Variants in NCKAP5 observed in about 807,000 individuals in gnomAD.
NCKAP5 encodes the protein nck-associated protein 5.
NCKAP5 carries 92 observed loss-of-function variants against 167.0 expected under a neutral mutation model. The ratio of observed to expected loss-of-function variants is 0.55; its 90% CI spans 0.47 to 0.66. The LOEUF (loss-of-function observed/expected upper bound fraction) is 0.66. Ranked by LOEUF, NCKAP5 falls within the 30% of genes least tolerant of loss-of-function variation. The pLI is 0.00. For missense variants in NCKAP5, 2,378 were observed against 2,315.0 expected (o/e 1.03, Z -0.56); for synonymous variants, 891 against 877.4 (o/e 1.02, Z -0.27).
At chr2:133,535,385 C>T (rs577678179) in intron 2 of NCKAP5, among the ~76,000 whole-genome samples, 4 of 151,952 alleles carry the variant, frequency 2.6e-5, no homozygotes, top group South Asian at 2.1e-4. Context: ...TGAGAACATA[C>T]GATATTTGAT....
the NCKAP5 span, among the ~76,000 whole-genome samples, chr2:133,646,417 A>G: frequency 2.0e-5 from 3 of 152,112 alleles, no homozygotes; most frequent in Admixed American, 1.3e-4. Flanking sequence ...TTTGCAAGTA[A>G]GAAGGAAATG....
Position 132,881,108 on chromosome 2 carries a change from C to T in NCKAP5, c.580-2192G>A, listed in dbSNP as rs139279437. Among the ~76,000 whole-genome samples the T allele has an allele frequency of 4.5e-3, 678 of 152,312 alleles. 3 individuals are homozygous for T. Among genetic ancestry groups the T allele is most frequent in the Non-Finnish European group, 6.9e-3 (468 of 68,034 alleles). On this transcript the variant is annotated intron_variant, in intron 8 of 19. Coordinates refer to ENST00000409261, the MANE Select transcript of NCKAP5 (RefSeq NM_207363.3). ...TCCAGTATACAATCCTACCTGTGAT[C>T]ATGTACTGCATTCGACTGTCATTGC...
At chr2:132,752,047 A>C (rs1192604298) in intron 16 of NCKAP5, among the ~76,000 whole-genome samples, 2 of 152,252 alleles carry the variant, frequency 1.3e-5, no homozygotes, top group Non-Finnish European at 2.9e-5. Flanking sequence ...CAGCACAATT[A>C]TCTACAAGAA....
intron 4 of NCKAP5, among the ~76,000 whole-genome samples, chr2:133,229,545 G>A (rs1477807590): frequency 1.3e-5 from 2 of 152,172 alleles, no homozygotes; most frequent in Non-Finnish European, 2.9e-5. Context: ...TACATTCCGA[G>A]TACTTTACGT....
upstream of NCKAP5, among the ~76,000 whole-genome samples, chr2:133,571,718 T>A (rs1457531596): frequency 6.6e-6 from 1 of 152,180 alleles, no homozygotes; most frequent in East Asian, 1.9e-4. Context: ...TTAGAGCTGC[T>A]TACTGGTGAT....
chr2:133,423,274 G>A (rs760328187), intron 3 of NCKAP5, among the ~76,000 whole-genome samples: 7 of 152,182 alleles, frequency 4.6e-5, no homozygotes, highest in Non-Finnish European at 1.0e-4. Context: ...CTTCTTGGTT[G>A]TGGCTCAAGA....
At chr2:133,008,056 T>A (rs929297881) in intron 6 of NCKAP5, among the ~76,000 whole-genome samples, 1 of 152,174 alleles carries the variant, frequency 6.6e-6, no homozygotes, top group African/African-American at 2.4e-5. Context: ...TGAAGATATA[T>A]ATGGGACTAC....
chr2:133,604,921 T>A, the NCKAP5 span, among the ~76,000 whole-genome samples: 2 of 152,182 alleles, frequency 1.3e-5, no homozygotes, highest in Non-Finnish European at 2.9e-5. Context: ...GCACTGATCA[T>A]GGCCCCGTCT....
At chr2:133,585,153 T>C in the NCKAP5 span, among the ~76,000 whole-genome samples, 2 of 151,988 alleles carry the variant, frequency 1.3e-5, no homozygotes, top group African/African-American at 4.8e-5. Flanking sequence ...TAAAGCAAAA[T>C]CAAGATAAAA....
rs79277721 is a variant in NCKAP5 at position 133,041,792 on chromosome 2, G to C, written c.342-47553C>G. Among the ~76,000 whole-genome samples, 306 of 152,224 alleles carry C rather than the reference G, an allele frequency of 2.0e-3. 2 individuals are homozygous for C. The highest frequency in any genetic ancestry group is 3.9e-3 in the Admixed American group (60 of 15,294). ...GTCCTTTGTTCTATATTGATTAAAA[G>C]TGCAAACATTGACTTTCTAACACCT... On this transcript the variant is annotated intron_variant, in intron 6 of 19. Coordinates refer to ENST00000409261, the MANE Select transcript of NCKAP5 (RefSeq NM_207363.3).
At chr2:133,474,149 T>TATCTATCC (rs1559511725) in intron 3 of NCKAP5, among the ~76,000 whole-genome samples, 4 of 143,442 alleles carry the variant, frequency 2.8e-5, no homozygotes, top group African/African-American at 8.8e-5. Flanking sequence ...TCTATCTATC[T>TATCTATCC]ATCTATACAC....
the NCKAP5 span, among the ~76,000 whole-genome samples, chr2:133,641,083 GA>G: frequency 6.6e-6 from 1 of 152,190 alleles, no homozygotes; most frequent in Non-Finnish European, 1.5e-5. Context: ...AAGTCAAATA[GA>G]AGCTCTTTGG....
At chr2:133,210,921 T>TAA (rs2086183807) in intron 5 of NCKAP5, among the ~76,000 whole-genome samples, 3 of 152,162 alleles carry the variant, frequency 2.0e-5, no homozygotes, top group African/African-American at 7.2e-5. Context: ...AGCCCTCCAA[T>TAA]GGTTCCCATC....
At chr2:133,275,769 T>C (rs192164344) in intron 4 of NCKAP5, among the ~76,000 whole-genome samples, 1 of 151,618 alleles carries the variant, frequency 6.6e-6, no homozygotes, top group East Asian at 1.9e-4. Flanking sequence ...AGGGTAACAG[T>C]AAAATGTAGT....
chr2:133,385,896 C>A, intron 3 of NCKAP5, among the ~76,000 whole-genome samples: 1 of 152,084 alleles, frequency 6.6e-6, no homozygotes, highest in East Asian at 1.9e-4. Context: ...TGGTGATATC[C>A]CCTTTATCAT....
chr2:133,635,981 A>G, the NCKAP5 span, among the ~76,000 whole-genome samples: 1 of 152,220 alleles, frequency 6.6e-6, no homozygotes, highest in Admixed American at 6.5e-5. Flanking sequence ...ATTAATAATT[A>G]GATAACTGAT....
chr2:133,396,949 A>G (rs1687768487), intron 3 of NCKAP5, among the ~76,000 whole-genome samples: 3 of 152,220 alleles, frequency 2.0e-5, no homozygotes, highest in African/African-American at 7.2e-5. Flanking sequence ...CGTGAGATAG[A>G]GATAAAATCC....
intron 2 of NCKAP5, among the ~76,000 whole-genome samples, chr2:133,540,104 C>A (rs1039456965): frequency 2.0e-5 from 3 of 152,082 alleles, no homozygotes; most frequent in Non-Finnish European, 1.5e-5. Flanking sequence ...TTGCTTGAAC[C>A]CGGGAGGCAG....
At position 133,307,335 on chromosome 2, in the gene NCKAP5, G is replaced by A. The variant is rs368325957; in HGVS notation, c.70-4225C>T. ...TTTGTCAAACAATGATAGAATTTGAGTACTTGATAAGATTTGAAATGCAAA... is the reference window on the plus strand; with the variant it reads ...TTTGTCAAACAATGATAGAATTTGAATACTTGATAAGATTTGAAATGCAAA... On this transcript the variant is annotated intron_variant, in intron 3 of 19. Coordinates refer to ENST00000409261, the MANE Select transcript of NCKAP5 (RefSeq NM_207363.3). 2.6e-5 allele frequency among the ~76,000 whole-genome samples: 4 copies of A among 152,156 alleles called. No homozygotes were observed. The East Asian group carries it at 7.7e-4, about 29-fold the overall frequency.
Sources: allele counts gnomAD v4.1 joint callset (sites outside exome capture counted in the v4.1 genomes callset), GRCh38; gene constraint gnomAD v4.1.1; transcripts MANE v1.5; gene names NCBI Gene and HGNC (gene_info 2026-07-23, HGNC 2026-07-21).